The following DENND1A variants were observed in gnomAD, a reference collection of about 807,000 sequenced individuals.
DENND1A encodes DENN domain containing 1A, also known as DENN domain-containing protein 1A.
Under a neutral mutation model 113.7 loss-of-function variants are expected in DENND1A, and 51 were observed. That is an observed-to-expected ratio of 0.45 (90% CI 0.36 to 0.57). The LOEUF (loss-of-function observed/expected upper bound fraction) is 0.57. Ranked by LOEUF, DENND1A falls within the 20% of genes least tolerant of loss-of-function variation. DENND1A has a pLI of 0.00. For missense variants in DENND1A, 1,258 were observed against 1,395.9 expected (o/e 0.90, Z 1.57); for synonymous variants, 565 against 570.8 (o/e 0.99, Z 0.14).
chr9:123,726,919 G>A (rs1323972583), intron 5 of DENND1A, among the ~76,000 whole-genome samples: 1 of 152,122 alleles, frequency 6.6e-6, no homozygotes, highest in Non-Finnish European at 1.5e-5. Context: ...TTATTGTCAT[G>A]GGGCTGAGTG....
In DENND1A at chr9:123,796,772, C is replaced by CAT. The variant is rs148936131; in HGVS notation, c.89-4143_89-4142insAT. ...ATGTGTACATACACACACACACACACACACACACACACACACACATCTTAC... is the reference window on the plus strand; with the variant it reads ...ATGTGTACATACACACACACACACACATACACACACACACACACACATCTTAC... On this transcript the variant is annotated intron_variant, in intron 2 of 23. Coordinates refer to ENST00000394215, the MANE Select transcript of DENND1A (RefSeq NM_001352964.2). Among the ~76,000 whole-genome samples, 711 of 151,860 alleles carry CAT rather than the reference C, an allele frequency of 4.7e-3. 3 individuals are homozygous for CAT. The highest frequency in any genetic ancestry group is 0.017 in the African/African-American group (695 of 41,372).
At chr9:123,809,233 T>G (rs1836135251) in intron 2 of DENND1A, among the ~76,000 whole-genome samples, 1 of 152,212 alleles carries the variant, frequency 6.6e-6, no homozygotes, top group Non-Finnish European at 1.5e-5. Flanking sequence ...TAGAACAATA[T>G]TAGACTCATA....
In DENND1A at chr9:123,929,962, CG is replaced by C; in HGVS notation, c.-58del. On this transcript the variant is annotated 5_prime_UTR_variant, in exon 1 of 24. Coordinates refer to ENST00000394215, the MANE Select transcript of DENND1A (RefSeq NM_001352964.2). The stretch of plus-strand genomic sequence containing the variant: ...CCCGCTCGGCGCTGCGCTGCCCGCC[CG>C]CCCGCGGCCGACCGGCCTCCCTCTG... The C allele has an allele frequency of 3.3e-6, 1 of 298,808 alleles. No individual in the cohort carries two copies. Among genetic ancestry groups the C allele is most frequent in the Non-Finnish European group, 6.0e-6 (1 of 165,332 alleles). 18.5% of individuals were successfully genotyped at this position (298,808 alleles called of 1,614,324 possible).
intron 2 of DENND1A, among the ~76,000 whole-genome samples, chr9:123,803,711 T>C (rs1835074665): frequency 6.6e-6 from 1 of 152,222 alleles, no homozygotes; most frequent in South Asian, 2.1e-4. Flanking sequence ...CATAGAAACA[T>C]GCTGTTATTT....
intron 1 of DENND1A, among the ~76,000 whole-genome samples, chr9:123,891,633 A>G (rs1849913584): frequency 6.6e-6 from 1 of 152,226 alleles, no homozygotes; most frequent in Non-Finnish European, 1.5e-5. Context: ...ACACTTTAAT[A>G]ATAATAAATA....
chr9:123,649,741 CT>C (rs2062542217), intron 9 of DENND1A, among the ~76,000 whole-genome samples: 1 of 152,102 alleles, frequency 6.6e-6, no homozygotes, highest in Non-Finnish European at 1.5e-5. Context: ...TTAAAAATTC[CT>C]GCTGCATCTG....
At position 123,874,406 on chromosome 9, in the gene DENND1A, G is replaced by A. The variant is rs559282809; in HGVS notation, c.88+4545C>T. Among the ~76,000 whole-genome samples, 25 of 151,944 alleles carry A rather than the reference G, an allele frequency of 1.6e-4. No individual in the cohort carries two copies. In the South Asian group the frequency reaches 2.1e-3, roughly 13 times the overall value. ...TTTCTTATAAACCAATGAGGAAAAG[G>A]TAGAAAACTCAATTTTAAAAATGAG... On this transcript the variant is annotated intron_variant, in intron 2 of 23. Transcript: ENST00000394215.
At chr9:123,555,869 A>G (rs2057386392) in intron 13 of DENND1A, among the ~76,000 whole-genome samples, 1 of 152,204 alleles carries the variant, frequency 6.6e-6, no homozygotes, top group African/African-American at 2.4e-5. Context: ...TTCCAGATGC[A>G]CACAGGCCAA....
intron 5 of DENND1A, among the ~76,000 whole-genome samples, chr9:123,724,387 C>G (rs182391812): frequency 7.2e-4 from 110 of 152,240 alleles, no homozygotes; most frequent in African/African-American, 2.6e-3. Context: ...AATAGACACA[C>G]TGAATTCTCA....
chr9:123,519,059 G>T (rs2054174208), intron 13 of DENND1A, among the ~76,000 whole-genome samples: 1 of 152,150 alleles, frequency 6.6e-6, no homozygotes, highest in Non-Finnish European at 1.5e-5. Flanking sequence ...TAGGGGCCGT[G>T]TTGCCTCCCT....
chr9:123,890,718 A>G (rs1233805638), intron 1 of DENND1A, among the ~76,000 whole-genome samples: 1 of 152,266 alleles, frequency 6.6e-6, no homozygotes, highest in African/African-American at 2.4e-5. Flanking sequence ...ATACAAGTTC[A>G]GAAGCTTGTC....
intron 1 of DENND1A, among the ~76,000 whole-genome samples, chr9:123,901,678 T>A (rs562220858): frequency 6.6e-6 from 1 of 152,212 alleles, no homozygotes; most frequent in Non-Finnish European, 1.5e-5. Flanking sequence ...GACCTTCTAA[T>A]CTTCTGATGC....
At chr9:123,907,410 C>T (rs1211289138) in intron 1 of DENND1A, among the ~76,000 whole-genome samples, 1 of 152,042 alleles carries the variant, frequency 6.6e-6, no homozygotes, top group African/African-American at 2.4e-5. Context: ...CAAATTGTCC[C>T]TGTTTGCAGA....
intron 19 of DENND1A, among the ~76,000 whole-genome samples, chr9:123,435,633 A>G (rs538426924): frequency 3.3e-5 from 5 of 152,326 alleles, no homozygotes; most frequent in African/African-American, 1.2e-4. Context: ...AATACAAAGA[A>G]GGGGGCCCTG....
intron 3 of DENND1A, among the ~76,000 whole-genome samples, chr9:123,771,544 A>G (rs980474006): frequency 1.3e-5 from 2 of 152,216 alleles, no homozygotes; most frequent in African/African-American, 4.8e-5. Flanking sequence ...TTATAGGTGC[A>G]GAAAGCACTT....
At chr9:123,562,905 G>C (rs1166533994) in intron 12 of DENND1A, among the ~76,000 whole-genome samples, 1 of 152,082 alleles carries the variant, frequency 6.6e-6, no homozygotes, top group Non-Finnish European at 1.5e-5. Flanking sequence ...CCAGCAGCCA[G>C]CACAGTTCTT....
At position 123,452,305 on chromosome 9, in the gene DENND1A, T is replaced by G; in HGVS notation, c.1270A>C (p.Asn424His). Residue 424 changes from asparagine to histidine, a missense_variant, in exon 17 of 24, where the codon AAT becomes CAT. Asn to His is a moderately conservative substitution (Grantham distance 68). Transcript: ENST00000394215. ...AILNTVKTKA[N>H]PAMKTVYKFA... Reference sequence around the variant, plus strand: ...TTGTAGACAGTCTTCATGGCCGGATTTGCTTTGGTCTTTACAGTATTCAGA... The same window carrying G: ...TTGTAGACAGTCTTCATGGCCGGATGTGCTTTGGTCTTTACAGTATTCAGA... The G allele has an allele frequency of 6.2e-7, 1 of 1,614,246 alleles. No homozygotes were observed. Among genetic ancestry groups the G allele is most frequent in the Non-Finnish European group, 8.5e-7 (1 of 1,180,046 alleles).
intron 2 of DENND1A, among the ~76,000 whole-genome samples, chr9:123,851,239 T>C (rs1843304082): frequency 1.3e-5 from 2 of 152,214 alleles, no homozygotes; most frequent in Non-Finnish European, 2.9e-5. Context: ...CACTATACAT[T>C]AGTTTGTACT....
rs888053856 is a variant in DENND1A, at chr9:123,796,758, C to T, written c.89-4128G>A. Among the ~76,000 whole-genome samples the T allele has an allele frequency of 3.0e-5, 4 of 131,962 alleles. No homozygotes were observed. The South Asian group carries it at 7.2e-4, about 24-fold the overall frequency. 86.6% of individuals were successfully genotyped at this position (131,962 alleles called of 152,430 possible). On this transcript the variant is annotated intron_variant, in intron 2 of 23. Coordinates refer to ENST00000394215, the MANE Select transcript of DENND1A (RefSeq NM_001352964.2). ...CATTGGTAACTCCTATGTGTACATACACACACACACACACACACACACACA... is the reference window on the plus strand; with the variant it reads ...CATTGGTAACTCCTATGTGTACATATACACACACACACACACACACACACA...
Sources: gnomAD v4.1 joint callset for allele counts (sites outside exome capture counted in the v4.1 genomes callset) on GRCh38, gnomAD v4.1.1 for gene constraint, MANE v1.5 for transcripts, NCBI Gene and HGNC (gene_info 2026-07-23, HGNC 2026-07-21) for gene names.